ZSCAN30: variants seen among roughly 807,000 people sequenced by gnomAD.
The protein encoded by ZSCAN30 is zinc finger and SCAN domain containing 30.
ZSCAN30 carries 37 observed loss-of-function variants against 44.3 expected under a neutral mutation model. The ratio of observed to expected loss-of-function variants is 0.84; its 90% CI spans 0.64 to 1.10. ZSCAN30 has a LOEUF of 1.10. Ranked by LOEUF, ZSCAN30 falls within the 50% of genes least tolerant of loss-of-function variation. ZSCAN30 has a pLI of 0.00. For missense variants in ZSCAN30, 549 were observed against 582.6 expected (o/e 0.94, Z 0.59); for synonymous variants, 181 against 204.6 (o/e 0.88, Z 0.98).
chr18:35,267,097 C>T (rs10432175), intron 1 of ZSCAN30: 135,699 of 152,348 alleles, frequency 0.89, 60,769 homozygotes, highest in Non-Finnish European at 0.92. Context: ...CTGGGCAACA[C>T]AGTGAGATCC....
In ZSCAN30 at chr18:35,276,567, G is replaced by A. The variant is rs1399622022; in HGVS notation, c.-103-12112C>T. ...GGCCAACGTAAAGCTCGGGCTGTGG[G>A]TTTAGAGAGTGCAAGCCCCAAGCCT... On this transcript the variant is annotated intron_variant, in intron 1 of 3. Transcript: ENST00000333206. Among the ~76,000 whole-genome samples the A allele has an allele frequency of 2.6e-5, 4 of 152,338 alleles. No homozygotes were observed. The South Asian group carries it at 6.2e-4, about 24-fold the overall frequency.
chr18:35,283,144 A>G (rs2044489244), intron 1 of ZSCAN30: 1 of 152,150 alleles, frequency 6.6e-6, no homozygotes, highest in Non-Finnish European at 1.5e-5. Flanking sequence ...GCACTTTGGA[A>G]GGCTGAGGCA....
intron 1 of ZSCAN30, chr18:35,283,030 C>T (rs138266341): frequency 6.6e-6 from 1 of 152,222 alleles, no homozygotes; most frequent in African/African-American, 2.4e-5. Flanking sequence ...TCTGGTTGAA[C>T]ACTGACTGAT....
At chr18:35,276,335 A>C (rs937341795) in intron 1 of ZSCAN30, among the ~76,000 whole-genome samples, 9 of 151,464 alleles carry the variant, frequency 5.9e-5, no homozygotes, top group African/African-American at 1.9e-4. Flanking sequence ...TCTTTATTAT[A>C]CATCTATTCA....
At chr18:35,269,333 C>T in intron 1 of ZSCAN30, 2 of 152,148 alleles carry the variant, frequency 1.3e-5, no homozygotes, top group East Asian at 3.9e-4. Context: ...GAAACAATGC[C>T]TATAACATAG....
rs527992271 is a variant in ZSCAN30, at chr18:35,253,656, T to C, written c.1279A>G (p.Ile427Val). The change falls in exon 4 of 4, where the codon ATC (isoleucine) becomes GTC (valine). Residue 427 changes from isoleucine (I) to valine (V), a missense_variant. Transcript: ENST00000333206. Reference sequence around the variant, plus strand: ...TGAATTCTTTGATGTTCAATAAGGATAGAACTCCTACCAAAAGCCTTACCA... The same window carrying C: ...TGAATTCTTTGATGTTCAATAAGGACAGAACTCCTACCAAAAGCCTTACCA... ...ACGKAFGRSSILIEHQRIHTG... is the reference protein window; with the variant it reads ...ACGKAFGRSSVLIEHQRIHTG... The C allele has an allele frequency of 9.3e-6, 15 of 1,614,078 alleles. No individual in the cohort carries two copies. Among genetic ancestry groups the C allele is most frequent in the African/African-American group, 8.0e-5 (6 of 75,008 alleles).
chr18:35,278,955 T>C (rs1033704943), intron 1 of ZSCAN30, among the ~76,000 whole-genome samples: 9 of 152,244 alleles, frequency 5.9e-5, no homozygotes, highest in Non-Finnish European at 1.2e-4. Flanking sequence ...ATTCTCTTCA[T>C]AGCAATGTAT....
intron 1 of ZSCAN30, among the ~76,000 whole-genome samples, chr18:35,266,388 T>C (rs2044149893): frequency 6.6e-6 from 1 of 151,970 alleles, no homozygotes; most frequent in African/African-American, 2.4e-5. Context: ...TGTGAGAGAC[T>C]GAGCTATGGG....
intron 1 of ZSCAN30, among the ~76,000 whole-genome samples, chr18:35,272,760 C>T (rs754517616): frequency 2.0e-5 from 3 of 152,152 alleles, no homozygotes; most frequent in African/African-American, 7.2e-5. Flanking sequence ...AAAGACGTGC[C>T]CAAAACTGGG....
intron 3 of ZSCAN30, chr18:35,254,595 T>A (rs1343653021): frequency 1.3e-6 from 1 of 756,662 alleles, no homozygotes; most frequent in Non-Finnish European, 2.1e-6. Context: ...GAATTAGTAT[T>A]GGAGAAGAGG....
intron 1 of ZSCAN30, chr18:35,282,221 GA>G (rs1199631943): frequency 3.3e-5 from 5 of 152,148 alleles, no homozygotes; most frequent in African/African-American, 7.2e-5. Flanking sequence ...TAAGTTATAG[GA>G]TATGAAAGAA....
At chr18:35,255,469 T>C (rs1448116012) in intron 3 of ZSCAN30, among the ~76,000 whole-genome samples, 3 of 152,128 alleles carry the variant, frequency 2.0e-5, no homozygotes, top group Middle Eastern at 3.4e-3. Context: ...GAAGTAATAA[T>C]TGCTAAGAGT....
intron 1 of ZSCAN30, among the ~76,000 whole-genome samples, chr18:35,287,561 A>C (rs912552872): frequency 6.8e-6 from 1 of 146,868 alleles, no homozygotes; most frequent in Non-Finnish European, 1.5e-5. Flanking sequence ...AGAACAACTG[A>C]ATATCCACAT....
At chr18:35,288,711 T>C (rs1393286004) in intron 1 of ZSCAN30, among the ~76,000 whole-genome samples, 1 of 152,242 alleles carries the variant, frequency 6.6e-6, no homozygotes, top group Non-Finnish European at 1.5e-5. Flanking sequence ...AAGGACATTC[T>C]GTATGATTCC....
chr18:35,275,528 C>G (rs1033489737), intron 1 of ZSCAN30, among the ~76,000 whole-genome samples: 1 of 152,176 alleles, frequency 6.6e-6, no homozygotes, highest in African/African-American at 2.4e-5. Context: ...CACCCATTCT[C>G]TCCTATCATC....
intron 3 of ZSCAN30, chr18:35,262,345 A>G (rs1169943326): frequency 1.3e-5 from 2 of 152,230 alleles, no homozygotes; most frequent in African/African-American, 4.8e-5. Flanking sequence ...TCTGCTGCCC[A>G]TAAGGATGAT....
intron 1 of ZSCAN30, among the ~76,000 whole-genome samples, chr18:35,277,600 C>T (rs2044388871): frequency 6.6e-6 from 1 of 152,110 alleles, no homozygotes; most frequent in Admixed American, 6.5e-5. Flanking sequence ...GTTTGCTTCC[C>T]CTTCTGCCAT....
intron 1 of ZSCAN30, chr18:35,267,529 C>A (rs1351932498): frequency 1.3e-5 from 2 of 152,092 alleles, no homozygotes; most frequent in Non-Finnish European, 2.9e-5. Flanking sequence ...AGAACAATGC[C>A]CGGCCGCACG....
At chr18:35,254,471 T>G in intron 3 of ZSCAN30, 90 bp from the exon 4 acceptor site, 1 of 1,590,330 alleles carries the variant, frequency 6.3e-7, no homozygotes, top group Non-Finnish European at 8.5e-7. Flanking sequence ...ATGAAATAGG[T>G]ATTTATTTAT....
Sources: gnomAD v4.1 joint callset for allele counts (sites outside exome capture counted in the v4.1 genomes callset) on GRCh38, gnomAD v4.1.1 for gene constraint, MANE v1.5 for transcripts, NCBI Gene and HGNC (gene_info 2026-07-23, HGNC 2026-07-21) for gene names.